WDR3: variants seen among roughly 807,000 people sequenced by gnomAD.
WDR3 encodes WD repeat-containing protein 3.
A neutral mutation model predicts 123.7 loss-of-function variants in WDR3; 81 were observed. The ratio of observed to expected loss-of-function variants is 0.65; its 90% CI spans 0.55 to 0.79. WDR3 has a LOEUF of 0.79. Among genes scored for constraint, WDR3 ranks in the 30% least tolerant of loss-of-function variants. The pLI is 0.00. For missense variants in WDR3, 1,027 were observed against 1,123.2 expected (o/e 0.91, Z 1.22); for synonymous variants, 390 against 388.8 (o/e 1.00, Z -0.04).
intron 16 of WDR3, 62 bp downstream of exon 16, chr1:117,950,952 A>G: frequency 7.2e-7 from 1 of 1,383,930 alleles, no homozygotes. Context: ...TACTTTCTTA[A>G]TTCTGGCTTG....
In WDR3 at chr1:117,941,778, G is replaced by T; in HGVS notation, c.920G>T (p.Cys307Phe). Residue 307 changes from cysteine (C) to phenylalanine (F), a missense_variant, in exon 9 of 27, where the codon TGT (cysteine) becomes TTT (phenylalanine). Coordinates refer to ENST00000349139, the MANE Select transcript of WDR3 (RefSeq NM_006784.3). Reference sequence around the variant, plus strand: ...ACTGACTCTGTGCTAGAATTGTTTTGTATCCTTTCCAAAAAGGAAATTCAG... The same window carrying T: ...ACTGACTCTGTGCTAGAATTGTTTTTTATCCTTTCCAAAAAGGAAATTCAG... ...HGTDSVLELF[C>F]ILSKKEIQKK... 1 of 1,611,184 alleles carries T rather than the reference G, an allele frequency of 6.2e-7. No homozygotes were observed. The highest frequency in any genetic ancestry group is 1.3e-5 in the African/African-American group (1 of 74,870).
intron 12 of WDR3, 86 bp downstream of exon 12, chr1:117,946,265 A>G: frequency 9.4e-7 from 1 of 1,062,190 alleles, no homozygotes; most frequent in Non-Finnish European, 1.4e-6. Context: ...TTTTTAGCAT[A>G]TTGGAAATGG....
rs1055394950 is a variant in WDR3, at chr1:117,961,607, G to A, written c.*2160G>A. The A allele has an allele frequency of 6.6e-6, 1 of 152,140 alleles. No individual in the cohort carries two copies. The highest frequency in any genetic ancestry group is 2.4e-5 in the African/African-American group (1 of 41,426). The allele number at this position is 152,140 out of a possible 1,614,324, so 9.4% of individuals were successfully genotyped here. A position where few individuals can be genotyped will look rare whatever the true frequency, so the allele number is the denominator to read the frequency against. Reference sequence around the variant, plus strand: ...ATTTGGTCATTGCAACCAAGTTACTGTGTTGTGGGGCCACCATTTTCTTCT... The same window carrying A: ...ATTTGGTCATTGCAACCAAGTTACTATGTTGTGGGGCCACCATTTTCTTCT... On this transcript the variant is annotated 3_prime_UTR_variant, in exon 27 of 27. Coordinates refer to ENST00000349139, the MANE Select transcript of WDR3 (RefSeq NM_006784.3).
At chr1:117,944,227 G>T (rs1278271802) in intron 11 of WDR3, among the ~76,000 whole-genome samples, 2 of 152,114 alleles carry the variant, frequency 1.3e-5, no homozygotes, top group Non-Finnish European at 2.9e-5. Context: ...TGAGCTAAAA[G>T]CTTTATTTTA....
chr1:117,933,894 A>G (rs1359692882), intron 2 of WDR3, among the ~76,000 whole-genome samples: 1 of 152,228 alleles, frequency 6.6e-6, no homozygotes, highest in Non-Finnish European at 1.5e-5. Context: ...TAATATGGAT[A>G]ATGCCCAAGT....
Position 117,955,328 on chromosome 1 carries a change from T to G in WDR3, c.2423T>G (p.Val808Gly). ...CTTCCTTTATAGCCTTCAGCTTATG[T>G]ATTAGAGATTTTTAAAGGGATCAAG... is the stretch of plus-strand genomic sequence containing the variant. ...AYGSISPSAYVLEIFKGIKSS... is the reference protein window; with the variant it reads ...AYGSISPSAYGLEIFKGIKSS... The change falls in exon 24 of 27, where the codon GTA becomes GGA. Residue 808 changes from valine (V) to glycine (G), a missense_variant. Physicochemically the swap from Val to Gly is moderately radical, Grantham distance 109. Coordinates refer to ENST00000349139, the MANE Select transcript of WDR3 (RefSeq NM_006784.3). 1 of 1,612,366 alleles carries G rather than the reference T, an allele frequency of 6.2e-7. No individual in the cohort carries two copies. Among genetic ancestry groups the G allele is most frequent in the Non-Finnish European group, 8.5e-7 (1 of 1,178,908 alleles).
rs1298523979 is a variant in WDR3, at chr1:117,966,020, G to A, written c.*6573G>A. The A allele has an allele frequency of 6.6e-6, 1 of 152,134 alleles. No individual in the cohort carries two copies. Among genetic ancestry groups the A allele is most frequent in the African/African-American group, 2.4e-5 (1 of 41,428 alleles). The allele number at this position is 152,134 out of a possible 1,614,324, so 9.4% of individuals were successfully genotyped here. A position where few individuals can be genotyped will look rare whatever the true frequency, so the allele number is the denominator to read the frequency against. ...TCAAAAATCAAATAAATAGAGAACT[G>A]TAACACAAGCAGCACACAATTCATG... On this transcript the variant is annotated 3_prime_UTR_variant, in exon 27 of 27. Coordinates refer to ENST00000349139, the MANE Select transcript of WDR3 (RefSeq NM_006784.3).
At position 117,963,592 on chromosome 1, in the gene WDR3, CT is replaced by C. The variant is rs1653406859; in HGVS notation, c.*4146del. 2.8e-6 allele frequency: 1 copy of C among 355,156 alleles called. No individual in the cohort carries two copies. Among genetic ancestry groups the C allele is most frequent in the South Asian group, 4.6e-5 (1 of 21,898 alleles). The allele number at this position is 355,156 out of a possible 1,614,324, so 22.0% of individuals were successfully genotyped here. The stretch of plus-strand genomic sequence containing the variant: ...AGTTAGCCAGGATGGTCTCGATCTC[CT>C]GACCTTGTGATCCACCCACCTCGGC... On this transcript the variant is annotated 3_prime_UTR_variant, in exon 27 of 27. Transcript: ENST00000349139.
chr1:117,934,857 T>C (rs1019806932), intron 3 of WDR3, among the ~76,000 whole-genome samples, 175 bp downstream of exon 3: 3 of 152,248 alleles, frequency 2.0e-5, no homozygotes, highest in African/African-American at 7.2e-5. Flanking sequence ...TGTTTCCTTT[T>C]GTTCATTTTG....
At chr1:117,933,045 A>T (rs1230405034) in intron 1 of WDR3, among the ~76,000 whole-genome samples, 1 of 151,764 alleles carries the variant, frequency 6.6e-6, no homozygotes, top group Non-Finnish European at 1.5e-5. Context: ...AAAAAAAAAA[A>T]AAAAAAAAAT....
chr1:117,949,888 G>A, intron 14 of WDR3, 52 bp downstream of exon 14: 1 of 1,611,064 alleles, frequency 6.2e-7, no homozygotes, highest in Non-Finnish European at 8.5e-7. Flanking sequence ...GGGGAGCTAT[G>A]GAATGGCCTT....
rs1399272141 is a variant in WDR3, at chr1:117,936,812, T to C, written c.425T>C (p.Leu142Pro). 1 of 1,613,284 alleles carries C rather than the reference T, an allele frequency of 6.2e-7. No individual in the cohort carries two copies. The highest frequency in any genetic ancestry group is 1.3e-5 in the African/African-American group (1 of 74,910). The part of the protein sequence containing the change: ...IVWDVINESG[L>P]YRLKGHKDAI... ...TGGGATGTGATCAATGAAAGTGGTC[T>C]GTACCGTCTAAAGGGGCACAAGGAT... The change falls in exon 4 of 27, where the codon CTG (leucine) becomes CCG (proline). Residue 142 changes from leucine (L) to proline (P), a missense_variant. By Grantham distance (98) the Leu-to-Pro change is moderately conservative (BLOSUM62 -3). Transcript: ENST00000349139.
chr1:117,935,399 A>G (rs1372260289), intron 3 of WDR3, among the ~76,000 whole-genome samples: 1 of 152,092 alleles, frequency 6.6e-6, no homozygotes, highest in East Asian at 1.9e-4. Flanking sequence ...GGTTTTAGAT[A>G]TTAAAATGTC....
In WDR3 at chr1:117,940,812, A is replaced by AT; in HGVS notation, c.676-10dup. On this transcript the variant is annotated splice_polypyrimidine_tract_variant and intron_variant, in intron 6 of 26. Coordinates refer to ENST00000349139, the MANE Select transcript of WDR3 (RefSeq NM_006784.3). ...ATACTATTTCAGCTTTTATTTTCTCATTTTTATAAAACAGATTGAAGACCC... is the reference window on the plus strand; with the variant it reads ...ATACTATTTCAGCTTTTATTTTCTCATTTTTTATAAAACAGATTGAAGACCC... 3 of 1,589,964 alleles carry AT rather than the reference A, an allele frequency of 1.9e-6. No homozygotes were observed. The highest frequency in any genetic ancestry group is 2.6e-6 in the Non-Finnish European group (3 of 1,168,828).
In WDR3 at chr1:117,943,652, C is replaced by T. The variant is rs747516073; in HGVS notation, c.1328+26C>T. On this transcript the variant is annotated intron_variant, in intron 11 of 26. Transcript: ENST00000349139. ...GTTCGTGAAATGATGTTTTATATAG[C>T]TGTAGTTAGTAGTATTTCTTTTAAT... 5 of 1,602,060 alleles carry T rather than the reference C, an allele frequency of 3.1e-6. No homozygotes were observed. In the East Asian group the frequency reaches 1.1e-4, roughly 36 times the overall value.
chr1:117,949,626 C>T (rs892868749), intron 13 of WDR3, 125 bp from the exon 14 acceptor site: 28 of 1,110,650 alleles, frequency 2.5e-5, no homozygotes, highest in Non-Finnish European at 3.4e-5. Context: ...GGGAGAACCA[C>T]GTTTTTCTTA....
At chr1:117,942,651 A>G in intron 10 of WDR3, 107 bp downstream of exon 10, 1 of 989,594 alleles carries the variant, frequency 1.0e-6, no homozygotes. Context: ...ATATGTGGAG[A>G]CGGTGGTCAT....
At chr1:117,957,953 C>CA (rs1301899262) in intron 25 of WDR3, among the ~76,000 whole-genome samples, 1 of 152,134 alleles carries the variant, frequency 6.6e-6, no homozygotes, top group Non-Finnish European at 1.5e-5. Context: ...CAAATATGTT[C>CA]ATTAGGCTAT....
intron 4 of WDR3, among the ~76,000 whole-genome samples, chr1:117,937,967 A>G (rs965872318): frequency 8.5e-5 from 13 of 152,236 alleles, no homozygotes; most frequent in Admixed American, 1.3e-4. Context: ...GAGAACAGCA[A>G]TGGACAAAGA....
Sources: gnomAD v4.1 joint callset for allele counts (sites outside exome capture counted in the v4.1 genomes callset) on GRCh38, gnomAD v4.1.1 for gene constraint, MANE v1.5 for transcripts, NCBI Gene and HGNC (gene_info 2026-07-23, HGNC 2026-07-21) for gene names.